CDC42EP4: variants seen among roughly 807,000 people sequenced by gnomAD.
CDC42EP4 encodes CDC42 effector protein 4.
A neutral mutation model predicts 5.6 loss-of-function variants in CDC42EP4; 6 were observed. The ratio of observed to expected loss-of-function variants is 1.07; its 90% CI spans 0.59 to 2.12. The LOEUF (loss-of-function observed/expected upper bound fraction) is 2.12, where lower values mean the gene tolerates loss of function less well. Ranked by LOEUF, CDC42EP4 falls within the 30% of genes most tolerant of loss-of-function variation. The probability of loss-of-function intolerance (pLI) is 0.00; values close to 1 mark genes in which losing one functional copy is unlikely to be tolerated. For synonymous variants in CDC42EP4, 230 were observed against 224.2 expected (o/e 1.03, Z -0.23); for missense variants, 490 against 508.6 (o/e 0.96, Z 0.35).
At position 73,286,705 on chromosome 17, in the gene CDC42EP4, C is replaced by T. The variant is rs750791920; in HGVS notation, c.-112-93G>A. 3.7e-4 allele frequency: 213 copies of T among 572,172 alleles called. 1 individual carries two copies. The highest frequency in any genetic ancestry group is 6.4e-4 in the Admixed American group (21 of 32,830). 35.4% of individuals were successfully genotyped at this position (572,172 alleles called of 1,614,324 possible). ...CAGGGGACTGTCATTTAAACCCCAG[C>T]GCTCCTACCAAAGTTAAATGCTGTG... On this transcript the variant is annotated intron_variant, in intron 1 of 1. Transcript: ENST00000335793. This position sits in a 1 kb window ranked among gnomAD's most constrained non-coding sequence, Gnocchi z 7.7.
chr17:73,290,067 C>A (rs1421836848), intron 1 of CDC42EP4, among the ~76,000 whole-genome samples: 1 of 152,196 alleles, frequency 6.6e-6, no homozygotes, highest in East Asian at 1.9e-4. Flanking sequence ...ACGGAGGGGA[C>A]CCCATCTTCC....
At chr17:73,294,697 T>G (rs1184813112) in intron 1 of CDC42EP4, among the ~76,000 whole-genome samples, 1 of 152,194 alleles carries the variant, frequency 6.6e-6, no homozygotes, top group Non-Finnish European at 1.5e-5. Flanking sequence ...GTTATATTCA[T>G]GTCTATTGTC....
intron 1 of CDC42EP4, among the ~76,000 whole-genome samples, chr17:73,295,210 G>T (rs898889113): frequency 1.3e-5 from 2 of 152,128 alleles, no homozygotes; most frequent in Non-Finnish European, 1.5e-5. Flanking sequence ...ACATCTGGGA[G>T]AGGATCCAAC....
Position 73,311,972 on chromosome 17 carries a change from C to A in CDC42EP4, c.-192G>T, listed in dbSNP as rs1409741620. The A allele has an allele frequency of 6.6e-6, 1 of 152,202 alleles. No homozygotes were observed. The highest frequency in any genetic ancestry group is 2.1e-4 in the South Asian group (1 of 4,838). 9.4% of individuals were successfully genotyped at this position (152,202 alleles called of 1,614,324 possible). ...TCCGCGCGGCGGAGGGGCTGGCGGC[C>A]CCTGTCAGCGCCGGCGTTTGTTTCC... On this transcript the variant is annotated 5_prime_UTR_variant, in exon 1 of 2. Coordinates refer to ENST00000335793, the MANE Select transcript of CDC42EP4 (RefSeq NM_012121.5).
intron 1 of CDC42EP4, chr17:73,307,422 C>T (rs2062249071): frequency 1.3e-5 from 2 of 150,840 alleles, no homozygotes; most frequent in African/African-American, 2.4e-5. Context: ...ATGTGGGAGA[C>T]TAATGTCTGA....
At chr17:73,298,980 C>T (rs1407632632) in intron 1 of CDC42EP4, among the ~76,000 whole-genome samples, 1 of 150,242 alleles carries the variant, frequency 6.7e-6, no homozygotes, top group Non-Finnish European at 1.5e-5. Flanking sequence ...TTTTTTGAGA[C>T]ACGGCATTGC....
At chr17:73,301,193 A>G (rs369811892) in intron 1 of CDC42EP4, among the ~76,000 whole-genome samples, 108 of 152,354 alleles carry the variant, frequency 7.1e-4, no homozygotes, top group Middle Eastern at 3.4e-3. Flanking sequence ...GATGTGTTAA[A>G]ATGATATTCT....
rs745353092 is a variant in CDC42EP4, at chr17:73,285,719, G to A, written c.782C>T (p.Pro261Leu). 14 of 1,574,228 alleles carry A rather than the reference G, an allele frequency of 8.9e-6. 1 individual carries two copies. In the South Asian group the frequency reaches 1.5e-4, roughly 17 times the overall value. The part of the protein sequence containing the change: ...QAPPYAVAAP[P>L]LARQEGKAGP... The stretch of plus-strand genomic sequence containing the variant: ...AGCCTTGCCTTCCTGCCTTGCCAGG[G>A]GAGGGGCCGCCACGGCGTACGGGGG... Residue 261 changes from proline (P) to leucine (L), a missense_variant, in exon 2 of 2, where the codon CCC (proline) becomes CTC (leucine). Pro to Leu is a moderately conservative substitution (Grantham distance 98, BLOSUM62 -3). Coordinates refer to ENST00000335793, the MANE Select transcript of CDC42EP4 (RefSeq NM_012121.5). The surrounding 1 kb of genome is among the most constrained non-coding windows in gnomAD (Gnocchi z 6.8).
chr17:73,285,418 C>T lies in CDC42EP4; in HGVS notation c.*12G>A. On this transcript the variant is annotated 3_prime_UTR_variant, in exon 2 of 2. Transcript: ENST00000335793. The surrounding 1 kb of genome is among the most constrained non-coding windows in gnomAD (Gnocchi z 6.8). ...GCAGCCAAGAGCTCCCGGTGGCCAC[C>T]CACTGTCCGCCTCACACACGGATTT... The T allele has an allele frequency of 6.5e-7, 1 of 1,536,676 alleles. No homozygotes were observed. Among genetic ancestry groups the T allele is most frequent in the African/African-American group, 1.4e-5 (1 of 73,208 alleles).
At chr17:73,308,761 G>A (rs1255290086) in intron 1 of CDC42EP4, among the ~76,000 whole-genome samples, 4 of 152,128 alleles carry the variant, frequency 2.6e-5, no homozygotes, top group Admixed American at 1.3e-4. Context: ...AGGGCTGGGT[G>A]CAGTGGTTTA....
At chr17:73,300,740 A>T (rs1169928720) in intron 1 of CDC42EP4, among the ~76,000 whole-genome samples, 2 of 152,160 alleles carry the variant, frequency 1.3e-5, no homozygotes, top group Non-Finnish European at 2.9e-5. Context: ...TACACATAAA[A>T]ATAAACACAC....
chr17:73,304,063 CTG>C (rs1179716742), intron 1 of CDC42EP4, among the ~76,000 whole-genome samples: 2 of 152,198 alleles, frequency 1.3e-5, no homozygotes, highest in African/African-American at 4.8e-5. Context: ...GATAGCAAGA[CTG>C]TGTGCTGAGG....
intron 1 of CDC42EP4, chr17:73,307,447 C>CTT (rs398031541): frequency 0.011 from 1,424 of 132,742 alleles, 16 homozygotes; most frequent in South Asian, 0.015. Flanking sequence ...TTCTTTCTTT[C>CTT]TTTTTTTTTT....
At chr17:73,303,043 C>A (rs1173783889) in intron 1 of CDC42EP4, among the ~76,000 whole-genome samples, 18 of 116,816 alleles carry the variant, frequency 1.5e-4, no homozygotes, top group African/African-American at 3.7e-4. Context: ...GACTCCGTCT[C>A]AAAAAAAAAA....
intron 1 of CDC42EP4, among the ~76,000 whole-genome samples, chr17:73,299,950 G>C (rs2062209946): frequency 6.6e-6 from 1 of 152,060 alleles, no homozygotes; most frequent in African/African-American, 2.4e-5. Context: ...GGATGGGAAG[G>C]ATCACCCTGA....
At chr17:73,299,452 C>A (rs970054743) in intron 1 of CDC42EP4, among the ~76,000 whole-genome samples, 46 of 134,382 alleles carry the variant, frequency 3.4e-4, no homozygotes, top group African/African-American at 1.3e-3. Flanking sequence ...AATACACACA[C>A]ACACACACAC....
At chr17:73,310,808 C>A (rs2062270488) in intron 1 of CDC42EP4, 1 of 152,738 alleles carries the variant, frequency 6.5e-6, no homozygotes, top group African/African-American at 2.4e-5. Context: ...CTTCAGTCCT[C>A]TCCCAGGAAG....
chr17:73,299,340 A>G (rs537488066), intron 1 of CDC42EP4, among the ~76,000 whole-genome samples: 42 of 151,194 alleles, frequency 2.8e-4, no homozygotes, highest in Admixed American at 2.4e-3. Flanking sequence ...TGAGGCAGGA[A>G]AATGGCGTGA....
chr17:73,299,429 T>TTA (rs2062206046), intron 1 of CDC42EP4, among the ~76,000 whole-genome samples: 1 of 113,364 alleles, frequency 8.8e-6, no homozygotes, highest in Non-Finnish European at 1.7e-5. Context: ...GACTCCGTCC[T>TTA]AAAAAAAAAA....
Sources: allele counts gnomAD v4.1 joint callset (sites outside exome capture counted in the v4.1 genomes callset), GRCh38; gene constraint gnomAD v4.1.1; non-coding constraint Gnocchi (gnomAD v3.1); transcripts MANE v1.5; gene names NCBI Gene and HGNC (gene_info 2026-07-23, HGNC 2026-07-21).